Variants in FGF12 observed in about 807,000 individuals in gnomAD.
The protein encoded by FGF12 is fibroblast growth factor 12B.
In FGF12, 14 loss-of-function variants were observed where a neutral mutation model predicts 23.6. The observed-to-expected ratio is 0.59, with a 90% CI of 0.39 to 0.93. The LOEUF (loss-of-function observed/expected upper bound fraction) is 0.93. FGF12 is among the 40% of genes least tolerant of loss of function. FGF12 has a pLI of 0.00. For missense variants in FGF12, 175 were observed against 217.8 expected (o/e 0.80, Z 1.24); for synonymous variants, 62 against 77.3 (o/e 0.80, Z 1.04).
intron 2 of FGF12, among the ~76,000 whole-genome samples, chr3:192,594,906 A>G (rs1713776739): frequency 6.6e-6 from 1 of 151,876 alleles, no homozygotes; most frequent in Non-Finnish European, 1.5e-5. Flanking sequence ...GACTCATACA[A>G]TTGTCTAGGC....
intron 4 of FGF12, among the ~76,000 whole-genome samples, chr3:192,272,011 G>T (rs925270092): frequency 9.2e-5 from 14 of 152,070 alleles, no homozygotes; most frequent in African/African-American, 3.4e-4. Context: ...CAGTTCTAGG[G>T]TTTTCTGGGA....
At chr3:192,500,136 A>G (rs1724090229) in intron 2 of FGF12, among the ~76,000 whole-genome samples, 1 of 152,180 alleles carries the variant, frequency 6.6e-6, no homozygotes, top group Non-Finnish European at 1.5e-5. Context: ...GGACATAAGA[A>G]ACCTGCTAAG....
intron 2 of FGF12, among the ~76,000 whole-genome samples, chr3:192,488,766 A>T (rs1005991640): frequency 2.0e-5 from 3 of 152,092 alleles, no homozygotes; most frequent in African/African-American, 7.2e-5. Flanking sequence ...GTTTAAAACA[A>T]AAAGAACCTC....
chr3:192,379,855 T>C (rs1458492759), intron 2 of FGF12, among the ~76,000 whole-genome samples: 1 of 152,146 alleles, frequency 6.6e-6, no homozygotes, highest in Non-Finnish European at 1.5e-5. Context: ...TCTAAAGGAG[T>C]TGGATCATCA....
At position 192,353,366 on chromosome 3, in the gene FGF12, CTT is replaced by C. The variant is rs34992097; in HGVS notation, c.124+7060_124+7061del. Among the ~76,000 whole-genome samples the C allele has an allele frequency of 8.8e-3, 865 of 98,378 alleles. 2 individuals are homozygous for C. The highest frequency in any genetic ancestry group is 0.017 in the African/African-American group (410 of 23,546). 64.5% of individuals were successfully genotyped at this position (98,378 alleles called of 152,430 possible). ...CAGAAAGATACATGGGAGCAGAAGT[CTT>C]TTTTTTTTTTTTTTTTTTTGAGATG... On this transcript the variant is annotated intron_variant, in intron 3 of 5. Transcript: ENST00000445105.
chr3:192,389,938 A>C (rs1299500988), intron 2 of FGF12, among the ~76,000 whole-genome samples: 1 of 152,254 alleles, frequency 6.6e-6, no homozygotes, highest in Non-Finnish European at 1.5e-5. Flanking sequence ...AATCTAAACC[A>C]AGAATGGCAC....
At chr3:192,659,917 T>A (rs1342810907) in intron 2 of FGF12, among the ~76,000 whole-genome samples, 1 of 152,176 alleles carries the variant, frequency 6.6e-6, no homozygotes, top group Non-Finnish European at 1.5e-5. Context: ...CATTTTTTCA[T>A]GTGTCTTTTG....
chr3:192,174,122 T>C (rs113853397), intron 4 of FGF12, among the ~76,000 whole-genome samples: 6,695 of 152,286 alleles, frequency 0.044, 192 homozygotes, highest in Admixed American at 0.059. Flanking sequence ...ACTCATATTA[T>C]AGAAACCATA....
chr3:192,558,410 C>A (rs921309761), intron 2 of FGF12, among the ~76,000 whole-genome samples: 1 of 151,672 alleles, frequency 6.6e-6, no homozygotes, highest in Admixed American at 6.6e-5. Context: ...AACTACAAAA[C>A]TTTGTTGAAA....
intron 4 of FGF12, among the ~76,000 whole-genome samples, chr3:192,194,758 T>A (rs1423419078): frequency 6.6e-6 from 1 of 152,162 alleles, no homozygotes; most frequent in Non-Finnish European, 1.5e-5. Flanking sequence ...TACCTAACTA[T>A]AATAAGACTT....
chr3:192,581,744 GC>G (rs1713165530), intron 2 of FGF12, among the ~76,000 whole-genome samples: 2 of 151,666 alleles, frequency 1.3e-5, no homozygotes, highest in African/African-American at 4.9e-5. Flanking sequence ...TGGCATGATG[GC>G]TTTTTTATCT....
At chr3:192,313,360 C>A (rs1716058105) in intron 4 of FGF12, among the ~76,000 whole-genome samples, 1 of 152,198 alleles carries the variant, frequency 6.6e-6, no homozygotes, top group Admixed American at 6.5e-5. Flanking sequence ...AAACCACAGG[C>A]ACAATGTCAT....
intron 2 of FGF12, among the ~76,000 whole-genome samples, chr3:192,690,587 A>C (rs1717910540): frequency 3.8e-5 from 1 of 26,350 alleles, no homozygotes; most frequent in South Asian, 1.4e-3. Context: ...ACAACACTAC[A>C]AAAAAAAAAA....
intron 2 of FGF12, among the ~76,000 whole-genome samples, chr3:192,653,514 A>G (rs1290702095): frequency 6.6e-6 from 1 of 152,172 alleles, no homozygotes; most frequent in Non-Finnish European, 1.5e-5. Context: ...TGCAGGCCAA[A>G]TAATTATTTT....
chr3:192,654,323 A>T (rs1007259722), intron 2 of FGF12, among the ~76,000 whole-genome samples: 3 of 152,102 alleles, frequency 2.0e-5, no homozygotes, highest in Non-Finnish European at 2.9e-5. Flanking sequence ...GGACAGCAGA[A>T]TTTTTTTGAG....
intron 4 of FGF12, among the ~76,000 whole-genome samples, chr3:192,228,361 T>C (rs972535499): frequency 1.3e-5 from 2 of 152,116 alleles, no homozygotes; most frequent in Non-Finnish European, 2.9e-5. Context: ...CCTGACCTCT[T>C]ATTCTGTTGA....
chr3:192,328,670 T>C (rs1330911575), intron 4 of FGF12, among the ~76,000 whole-genome samples: 1 of 152,202 alleles, frequency 6.6e-6, no homozygotes, highest in Non-Finnish European at 1.5e-5. Context: ...AAGATGATTC[T>C]GTGAGGCCAT....
intron 2 of FGF12, among the ~76,000 whole-genome samples, chr3:192,397,485 A>G (rs1181998843): frequency 6.6e-6 from 1 of 152,194 alleles, no homozygotes; most frequent in Non-Finnish European, 1.5e-5. Context: ...TCTCCTAGCT[A>G]GAGTCGAGTT....
chr3:192,557,539 GA>G (rs1711838552), intron 2 of FGF12, among the ~76,000 whole-genome samples: 1 of 151,860 alleles, frequency 6.6e-6, no homozygotes, highest in South Asian at 2.1e-4. Flanking sequence ...AAATTGAAGA[GA>G]GGGGAACACT....
Sources: gnomAD v4.1 joint callset for allele counts (sites outside exome capture counted in the v4.1 genomes callset) on GRCh38, gnomAD v4.1.1 for gene constraint, MANE v1.5 for transcripts, NCBI Gene and HGNC (gene_info 2026-07-23, HGNC 2026-07-21) for gene names.